Variants in KCNH7 observed in about 807,000 individuals in gnomAD.
KCNH7 encodes potassium voltage-gated channel subfamily H member 7.
KCNH7 carries 49 observed loss-of-function variants against 120.8 expected under a neutral mutation model. That is an observed-to-expected ratio of 0.41 (90% CI 0.32 to 0.51). KCNH7 has a LOEUF of 0.51. Among genes scored for constraint, KCNH7 ranks in the 20% least tolerant of loss-of-function variants. The probability of loss-of-function intolerance (pLI) is 0.38; values close to 1 mark genes in which losing one functional copy is unlikely to be tolerated. For missense variants in KCNH7, 1,097 were observed against 1,446.6 expected, an observed-to-expected ratio of 0.76 and a Z score of 3.92; for synonymous variants, 547 against 516.1, an observed-to-expected ratio of 1.06 and a Z score of -0.81.
intron 2 of KCNH7, among the ~76,000 whole-genome samples, chr2:162,585,322 G>T (rs1574135673): frequency 6.6e-6 from 1 of 151,956 alleles, no homozygotes; most frequent in East Asian, 1.9e-4. Context: ...TTTCTGCCAG[G>T]ATCTTTTTAT....
intron 8 of KCNH7, among the ~76,000 whole-genome samples, chr2:162,434,724 C>CAT (rs1688181909): frequency 1.3e-5 from 2 of 150,450 alleles, no homozygotes; most frequent in African/African-American, 2.5e-5. Context: ...TATATATATA[C>CAT]ACATACATAC....
chr2:162,609,657 T>A lies in KCNH7; in HGVS notation c.308-72577A>T, dbSNP rs115704873. Among the ~76,000 whole-genome samples, 681 of 152,218 alleles carry A rather than the reference T, an allele frequency of 4.5e-3. 7 individuals are homozygous for A. The highest frequency in any genetic ancestry group is 0.016 in the African/African-American group (654 of 41,534). On this transcript the variant is annotated intron_variant, in intron 2 of 15. Transcript: ENST00000332142. ...AGTGCTAAGAGAGCATAAATGAAGT[T>A]AAGGCAAACTTCTTACTGGTTTTTC... is the stretch of plus-strand genomic sequence containing the variant.
intron 2 of KCNH7, among the ~76,000 whole-genome samples, chr2:162,633,059 G>A (rs1683824969): frequency 6.6e-6 from 1 of 151,810 alleles, no homozygotes; most frequent in Non-Finnish European, 1.5e-5. Context: ...GTATTTGCAA[G>A]TTTCAGATCA....
At chr2:162,385,161 G>A (rs1573898433) in intron 12 of KCNH7, among the ~76,000 whole-genome samples, 1 of 151,816 alleles carries the variant, frequency 6.6e-6, no homozygotes, top group Non-Finnish European at 1.5e-5. Context: ...TGGTAATAAT[G>A]TTTATGTCTC....
chr2:162,464,929 C>T (rs1689260380), intron 6 of KCNH7, among the ~76,000 whole-genome samples: 1 of 152,014 alleles, frequency 6.6e-6, no homozygotes, highest in African/African-American at 2.4e-5. Context: ...AGAAATAAGG[C>T]ATATTATAGG....
intron 2 of KCNH7, among the ~76,000 whole-genome samples, chr2:162,694,603 G>T (rs1686224574): frequency 6.6e-6 from 1 of 151,922 alleles, no homozygotes; most frequent in Non-Finnish European, 1.5e-5. Context: ...CATAATCAGA[G>T]GTTATCTCAT....
At chr2:162,670,100 TCAAA>T (rs948267381) in intron 2 of KCNH7, among the ~76,000 whole-genome samples, 6 of 142,760 alleles carry the variant, frequency 4.2e-5, no homozygotes, top group East Asian at 4.3e-4. Flanking sequence ...AAACTCGGTC[TCAAA>T]CAAACAAACA....
chr2:162,835,031 T>C (rs1269419687), intron 2 of KCNH7, among the ~76,000 whole-genome samples: 1 of 152,092 alleles, frequency 6.6e-6, no homozygotes, highest in African/African-American at 2.4e-5. Flanking sequence ...ATTGTTGGCA[T>C]CAGATACTCA....
chr2:162,594,360 G>A (rs774389798), intron 2 of KCNH7, among the ~76,000 whole-genome samples: 1 of 151,916 alleles, frequency 6.6e-6, no homozygotes, highest in Non-Finnish European at 1.5e-5. Context: ...TTTCTTGTGG[G>A]AAGGGGCTTT....
At chr2:162,768,875 A>C (rs1379225733) in intron 2 of KCNH7, 1 of 152,234 alleles carries the variant, frequency 6.6e-6, no homozygotes, top group East Asian at 1.9e-4. Context: ...GCTAGTGTTA[A>C]AGGGAGAGCT....
intron 2 of KCNH7, among the ~76,000 whole-genome samples, chr2:162,774,297 T>C (rs1297924436): frequency 3.9e-5 from 6 of 152,184 alleles, no homozygotes; most frequent in Non-Finnish European, 2.9e-5. Context: ...ACCTCATTGA[T>C]TTTATTACTT....
chr2:162,457,145 A>C (rs2105591759), intron 6 of KCNH7, among the ~76,000 whole-genome samples: 1 of 152,272 alleles, frequency 6.6e-6, no homozygotes, highest in East Asian at 1.9e-4. Flanking sequence ...AGCACTAACA[A>C]AGTAAATGTT....
At chr2:162,525,974 T>A (rs1317259514) in intron 3 of KCNH7, among the ~76,000 whole-genome samples, 1 of 151,926 alleles carries the variant, frequency 6.6e-6, no homozygotes. Flanking sequence ...CAGCCAGATA[T>A]CGGGTGAAAT....
intron 6 of KCNH7, among the ~76,000 whole-genome samples, chr2:162,454,778 C>T (rs920316231): frequency 6.6e-6 from 1 of 152,064 alleles, no homozygotes; most frequent in African/African-American, 2.4e-5. Context: ...CGTTTTTGCA[C>T]ATTGATTTTG....
intron 11 of KCNH7, among the ~76,000 whole-genome samples, chr2:162,394,893 T>C (rs1686861065): frequency 6.6e-6 from 1 of 151,886 alleles, no homozygotes; most frequent in Non-Finnish European, 1.5e-5. Flanking sequence ...TTCTTTTTCC[T>C]CTGTTACTCC....
intron 6 of KCNH7, among the ~76,000 whole-genome samples, chr2:162,482,022 C>T (rs371666271): frequency 7.1e-6 from 1 of 141,276 alleles, no homozygotes; most frequent in African/African-American, 2.5e-5. Flanking sequence ...TCTTCTCTTT[C>T]TTCTTTTTCA....
chr2:162,455,464 G>C (rs1688932086), intron 6 of KCNH7, among the ~76,000 whole-genome samples: 1 of 152,142 alleles, frequency 6.6e-6, no homozygotes, highest in African/African-American at 2.4e-5. Context: ...AATGAGTTAG[G>C]GAGAAGTCCC....
At position 162,714,678 on chromosome 2, in the gene KCNH7, A is replaced by G. The variant is rs140296894; in HGVS notation, c.307+121859T>C. Among the ~76,000 whole-genome samples the G allele has an allele frequency of 6.0e-4, 91 of 152,322 alleles. 1 individual carries two copies. Among genetic ancestry groups the G allele is most frequent in the African/African-American group, 2.2e-3 (90 of 41,566 alleles). ...ATGCAGTCCACATAGCTCTTCTTGC[A>G]ACTACTCAGTTCTGCCATTGGTGTG... On this transcript the variant is annotated intron_variant, in intron 2 of 15. Transcript: ENST00000332142.
chr2:162,646,703 G>A (rs1300051387), intron 2 of KCNH7, among the ~76,000 whole-genome samples: 1 of 152,108 alleles, frequency 6.6e-6, no homozygotes, highest in Non-Finnish European at 1.5e-5. Context: ...AGAAATGTGG[G>A]TGATTTCTAG....
Sources: allele counts gnomAD v4.1 joint callset (sites outside exome capture counted in the v4.1 genomes callset), GRCh38; gene constraint gnomAD v4.1.1; transcripts MANE v1.5; gene names NCBI Gene and HGNC (gene_info 2026-07-23, HGNC 2026-07-21).